COL6A2: variants seen among roughly 807,000 people sequenced by gnomAD.
COL6A2 encodes the protein collagen type VI alpha 2 chain.
A neutral mutation model predicts 124.9 loss-of-function variants in COL6A2; 90 were observed. The observed-to-expected ratio is 0.72, with a 90% CI of 0.61 to 0.86. COL6A2 has a LOEUF of 0.86. Among genes scored for constraint, COL6A2 ranks in the 40% least tolerant of loss-of-function variants. The probability of loss-of-function intolerance (pLI) is 0.00; values close to 1 mark genes in which losing one functional copy is unlikely to be tolerated. For synonymous variants in COL6A2, 793 were observed against 618.2 expected (o/e 1.28, Z -4.19); for missense variants, 1,607 against 1,502.5 (o/e 1.07, Z -1.15).
At chr21:46,122,437 G>A (rs2078581160) in intron 19 of COL6A2, 59 bp from the exon 20 acceptor site, 2 of 1,609,192 alleles carry the variant, frequency 1.2e-6, no homozygotes, top group Non-Finnish European at 1.7e-6. Context: ...GCTGCCCAGA[G>A]GGAGGAAGGA....
rs2078473729 is a variant in COL6A2 at position 46,116,581 on chromosome 21, C to G, written c.928-70C>G. The stretch of plus-strand genomic sequence containing the variant: ...TTGAGTTTGGCCCAAGGGCTTTGCC[C>G]CCCAGAGGCAGCAGTGCCCATGATG... On this transcript the variant is annotated intron_variant, in intron 8 of 27. Transcript: ENST00000300527. This position sits in a 1 kb window ranked among gnomAD's most constrained non-coding sequence, Gnocchi z 4.6. The G allele has an allele frequency of 1.2e-6, 2 of 1,607,736 alleles. No homozygotes were observed. The highest frequency in any genetic ancestry group is 4.5e-5 in the East Asian group (2 of 44,836).
rs1410152013 is a variant in COL6A2, at chr21:46,116,116, C to A, written c.900+63C>A. The A allele has an allele frequency of 6.6e-7, 1 of 1,509,164 alleles. No homozygotes were observed. Among genetic ancestry groups the A allele is most frequent in the Non-Finnish European group, 9.0e-7 (1 of 1,109,712 alleles). The allele number at this position is 1,509,164 out of a possible 1,614,324, so 93.5% of individuals were successfully genotyped here. ...GGCCCCAGCACTGCCAGGCAGGCTC[C>A]CCCCAGCCCAGCCTCGGCCTCAGCC... On this transcript the variant is annotated intron_variant, in intron 7 of 27. Coordinates refer to ENST00000300527, the MANE Select transcript of COL6A2 (RefSeq NM_001849.4). The surrounding 1 kb of genome is among the most constrained non-coding windows in gnomAD (Gnocchi z 4.6).
intron 26 of COL6A2, 101 bp downstream of exon 26, chr21:46,126,338 C>G (rs2078667381): frequency 2.0e-6 from 3 of 1,512,824 alleles, no homozygotes; most frequent in Non-Finnish European, 2.7e-6. Context: ...GATGAATGTG[C>G]AGCCCAGGAT....
intron 27 of COL6A2, chr21:46,129,615 T>G: frequency 7.0e-7 from 1 of 1,431,984 alleles, no homozygotes; most frequent in South Asian, 1.5e-5. Flanking sequence ...GGGGCTACAG[T>G]CCTTCCAGGG....
intron 27 of COL6A2, among the ~76,000 whole-genome samples, chr21:46,128,197 G>A (rs527881062): frequency 1.5e-4 from 23 of 152,294 alleles, no homozygotes; most frequent in African/African-American, 4.6e-4. Flanking sequence ...AAGCAGCCAG[G>A]GAGGACACGG....
Position 46,124,209 on chromosome 21 carries a change from GCTGGGTGGATGGATGATGGATGGGTGA to G in COL6A2, c.1672-426_1672-400del, listed in dbSNP as rs532248968. 2.1e-3 allele frequency among the ~76,000 whole-genome samples: 317 copies of G among 150,324 alleles called. 1 individual carries two copies. Among genetic ancestry groups the G allele is most frequent in the Non-Finnish European group, 3.3e-3 (221 of 67,242 alleles). The stretch of plus-strand genomic sequence containing the variant: ...GGATGAATGGATGGGTTAGTGGGTG[GCTGGGTGGATGGATGATGGATGGGTGA>G]CTGGGTGGATGGATGGATGGGTTAG... On this transcript the variant is annotated intron_variant, in intron 21 of 27. Coordinates refer to ENST00000300527, the MANE Select transcript of COL6A2 (RefSeq NM_001849.4).
intron 27 of COL6A2, among the ~76,000 whole-genome samples, chr21:46,127,868 GGAGT>G (rs1305595835): frequency 6.6e-6 from 1 of 152,198 alleles, no homozygotes; most frequent in Non-Finnish European, 1.5e-5. Flanking sequence ...ATTGTAGTTG[GGAGT>G]TAGTTAGCCC....
chr21:46,117,351 G>A (rs1394741541), intron 10 of COL6A2, 49 bp from the exon 11 acceptor site: 4 of 1,579,820 alleles, frequency 2.5e-6, no homozygotes, highest in Non-Finnish European at 3.5e-6. Context: ...TGGCACACAT[G>A]GACCCCAGAA....
At chr21:46,108,637 T>A (rs2078361283) in intron 1 of COL6A2, among the ~76,000 whole-genome samples, 2 of 152,344 alleles carry the variant, frequency 1.3e-5, no homozygotes, top group South Asian at 4.2e-4. Flanking sequence ...ATTGAAGCAA[T>A]TGCATATTTT....
intron 19 of COL6A2, 26 bp from the exon 20 acceptor site, chr21:46,122,470 C>T: frequency 6.2e-7 from 1 of 1,612,858 alleles, no homozygotes; most frequent in Non-Finnish European, 8.5e-7. Flanking sequence ...GAGGCTGAGT[C>T]ACCCTGGCTT....
intron 27 of COL6A2, among the ~76,000 whole-genome samples, chr21:46,127,352 A>G (rs1459781545): frequency 1.9e-4 from 29 of 151,872 alleles, no homozygotes; most frequent in Admixed American, 1.9e-3. Flanking sequence ...TTCCATGGGG[A>G]GCTCCCGGTG....
rs1032560831 is a variant in COL6A2, at chr21:46,123,670, T to C, written c.1671+733T>C. Among the ~76,000 whole-genome samples, 9 of 141,064 alleles carry C rather than the reference T, an allele frequency of 6.4e-5. No individual in the cohort carries two copies. The East Asian group carries it at 8.7e-4, about 14-fold the overall frequency. 92.5% of individuals were successfully genotyped at this position (141,064 alleles called of 152,430 possible). A position where few individuals can be genotyped will look rare whatever the true frequency, so the allele number is the denominator to read the frequency against. ...ATAAGTGGATACATGGGTGAATGAG[T>C]AGATGTATGGGTGAGTAGGTGGGTA... On this transcript the variant is annotated intron_variant, in intron 21 of 27. Transcript: ENST00000300527.
intron 11 of COL6A2, 170 bp downstream of exon 11, chr21:46,117,623 A>T (rs1386917369): frequency 2.5e-6 from 2 of 798,588 alleles, no homozygotes; most frequent in Non-Finnish European, 4.1e-6. Context: ...TCATGTGAGG[A>T]ACTCCCCCTG....
chr21:46,122,002 C>G, intron 18 of COL6A2, 106 bp from the exon 19 acceptor site: 1 of 1,225,682 alleles, frequency 8.2e-7, no homozygotes, highest in Non-Finnish European at 1.2e-6. Flanking sequence ...CGACGGCACC[C>G]CTAGCCCACT....
chr21:46,116,141 C>T lies in COL6A2; in HGVS notation c.900+88C>T. Reference sequence around the variant, plus strand: ...CCCCCAGCCCAGCCTCGGCCTCAGCCTCTACGACCCTCCCCCCAGTTACCA... The same window carrying T: ...CCCCCAGCCCAGCCTCGGCCTCAGCTTCTACGACCCTCCCCCCAGTTACCA... On this transcript the variant is annotated intron_variant, in intron 7 of 27. Transcript: ENST00000300527. This position sits in a 1 kb window ranked among gnomAD's most constrained non-coding sequence, Gnocchi z 4.6. The T allele has an allele frequency of 7.4e-7, 1 of 1,348,876 alleles. No homozygotes were observed. The highest frequency in any genetic ancestry group is 1.4e-5 in the African/African-American group (1 of 69,154). The allele number at this position is 1,348,876 out of a possible 1,614,324, so 83.6% of individuals were successfully genotyped here.
intron 25 of COL6A2, 54 bp from the exon 26 acceptor site, chr21:46,125,731 G>A: frequency 6.2e-7 from 1 of 1,601,796 alleles, no homozygotes; most frequent in South Asian, 1.1e-5. Context: ...GCATGGCTGG[G>A]GATGCCCCAG....
intron 1 of COL6A2, among the ~76,000 whole-genome samples, chr21:46,099,969 G>A (rs1241557248): frequency 7.3e-6 from 1 of 137,034 alleles, no homozygotes; most frequent in East Asian, 2.3e-4. Flanking sequence ...GCATGTCTTT[G>A]GTTTTTGTGC....
At position 46,126,215 on chromosome 21, in the gene COL6A2, C is replaced by T; in HGVS notation, c.2400C>T (p.Asp800=). ...SDLVAEKFID[D]MEDVLCPDPQ... The stretch of plus-strand genomic sequence containing the variant: ...TGGTCGCTGAGAAGTTCATCGATGA[C>T]ATGGAGGACGTCCTCTGCCCGGGTG... Residue 800 remains aspartate, a synonymous_variant, in exon 26 of 28, where the codon GAC becomes GAT. Coordinates refer to ENST00000300527, the MANE Select transcript of COL6A2 (RefSeq NM_001849.4). 7 of 1,600,662 alleles carry T rather than the reference C, an allele frequency of 4.4e-6. No homozygotes were observed. Among genetic ancestry groups the T allele is most frequent in the East Asian group, 2.2e-5 (1 of 44,804 alleles).
At chr21:46,130,686 C>T (rs2078748939) in intron 27 of COL6A2, among the ~76,000 whole-genome samples, 1 of 152,224 alleles carries the variant, frequency 6.6e-6, no homozygotes, top group African/African-American at 2.4e-5. Flanking sequence ...CTGCCCCTTG[C>T]ATGTCTGTCT....
Sources: allele counts gnomAD v4.1 joint callset (sites outside exome capture counted in the v4.1 genomes callset), GRCh38; gene constraint gnomAD v4.1.1; non-coding constraint Gnocchi (gnomAD v3.1); transcripts MANE v1.5; gene names NCBI Gene and HGNC (gene_info 2026-07-23, HGNC 2026-07-21).